Variants in ARPC4 observed in about 807,000 individuals in gnomAD.
The protein encoded by ARPC4 is actin related protein 2/3 complex subunit 4.
A neutral mutation model predicts 22.8 loss-of-function variants in ARPC4; 3 were observed. The ratio of observed to expected loss-of-function variants is 0.13; its 90% CI spans 0.06 to 0.34. ARPC4 has a LOEUF of 0.34. ARPC4 is among the 10% of genes least tolerant of loss of function. ARPC4 has a pLI of 1.00. For synonymous variants in ARPC4, 80 were observed against 72.5 expected, an observed-to-expected ratio of 1.10 and a Z score of -0.52; for missense variants, 98 against 211.0, an observed-to-expected ratio of 0.46 and a Z score of 3.32.
In ARPC4 at chr3:9,806,246, C is replaced by T. The variant is rs774360255; in HGVS notation, c.*31C>T. On this transcript the variant is annotated 3_prime_UTR_variant, in exon 6 of 6. Transcript: ENST00000397261. ...CTGGCTGGATCTCGTGGCCTTCCCC[C>T]TCAGACTACCCATGTCTCCACGAAG... 3.1e-6 allele frequency: 5 copies of T among 1,611,628 alleles called. No homozygotes were observed. The highest frequency in any genetic ancestry group is 1.1e-5 in the South Asian group (1 of 91,020).
intron 2 of ARPC4, 26 bp downstream of exon 2, chr3:9,797,803 G>T: frequency 1.2e-6 from 2 of 1,608,684 alleles, no homozygotes; most frequent in Admixed American, 3.3e-5. Flanking sequence ...TCAAGGTGGG[G>T]ATGAGGGGTG....
At chr3:9,803,600 A>C (rs942633439) in intron 4 of ARPC4, 11 of 654,934 alleles carry the variant, frequency 1.7e-5, no homozygotes, top group East Asian at 1.2e-4. Flanking sequence ...TGTGCCACAG[A>C]TAGTTTTCCA....
At chr3:9,793,069 C>A, upstream of ARPC4, 20 of 1,545,142 alleles carry the variant, frequency 1.3e-5, no homozygotes, top group Middle Eastern at 1.7e-4. Flanking sequence ...GGGCAGGCAT[C>A]GCGGGGCTGG....
At chr3:9,804,181 C>T (rs2125650473) in intron 5 of ARPC4, 168 bp downstream of exon 5, 1 of 647,852 alleles carries the variant, frequency 1.5e-6, no homozygotes, top group South Asian at 2.6e-5. Context: ...AGCTAGAGGA[C>T]CCCAAGTTCA....
At chr3:9,796,768 T>C (rs62245642) in intron 1 of ARPC4, among the ~76,000 whole-genome samples, 4,530 of 151,788 alleles carry the variant, frequency 0.03, 67 homozygotes, top group Non-Finnish European at 0.042. Context: ...CGTGAAACCC[T>C]GTCTCTACTA....
intron 1 of ARPC4, among the ~76,000 whole-genome samples, chr3:9,794,752 A>G (rs2078844971): frequency 6.6e-6 from 1 of 152,056 alleles, no homozygotes; most frequent in Admixed American, 6.6e-5. Context: ...CACCCCAAAA[A>G]GTTCCCTCAA....
chr3:9,793,306 G>T, intron 1 of ARPC4, 182 bp downstream of exon 1: 1 of 1,218,416 alleles, frequency 8.2e-7, no homozygotes. Context: ...GGGGCGAGTG[G>T]GGGTACTCCC....
At chr3:9,806,102 C>T in intron 5 of ARPC4, 108 bp from the exon 6 acceptor site, 1 of 1,326,202 alleles carries the variant, frequency 7.5e-7, no homozygotes, top group Non-Finnish European at 1.1e-6. Flanking sequence ...CTCTGCCCCT[C>T]ACAGATATGA....
At chr3:9,793,218 G>GGCCGA in intron 1 of ARPC4, 94 bp downstream of exon 1, 1 of 1,483,528 alleles carries the variant, frequency 6.7e-7, no homozygotes, top group South Asian at 1.3e-5. Context: ...AGGGGCGCGG[G>GGCCGA]GCCGAGGGAT....
intron 1 of ARPC4, among the ~76,000 whole-genome samples, chr3:9,793,598 C>G (rs942384607): frequency 6.6e-6 from 1 of 152,202 alleles, no homozygotes; most frequent in Admixed American, 6.5e-5. Flanking sequence ...TACCTCCAGC[C>G]CTGCTTCCAC....
At chr3:9,801,141 G>A (rs1220509343) in intron 3 of ARPC4, among the ~76,000 whole-genome samples, 1 of 138,582 alleles carries the variant, frequency 7.2e-6, no homozygotes, top group African/African-American at 2.6e-5. Context: ...AACCCGGGAG[G>A]CAGAGCTTAC....
chr3:9,793,280 G>A, intron 1 of ARPC4, 156 bp downstream of exon 1: 3 of 1,371,708 alleles, frequency 2.2e-6, no homozygotes, highest in Non-Finnish European at 2.9e-6. Flanking sequence ...ACGGGGCGGG[G>A]GCCCGAGGTG....
chr3:9,803,652 GCTTGGATCCAACCT>G (rs2079057532), intron 4 of ARPC4, 177 bp from the exon 5 acceptor site: 1 of 757,312 alleles, frequency 1.3e-6, no homozygotes, highest in Admixed American at 1.7e-5. Context: ...GGGTTCAGTT[GCTTGGATCCAACCT>G]AGACACCCTC....
intron 1 of ARPC4, 46 bp from the exon 2 acceptor site, chr3:9,797,613 C>A: frequency 6.3e-7 from 1 of 1,589,336 alleles, no homozygotes; most frequent in Non-Finnish European, 8.6e-7. Context: ...GTGGGTTTGG[C>A]GTGACAGATT....
intron 5 of ARPC4, among the ~76,000 whole-genome samples, chr3:9,805,121 A>C (rs1285008579): frequency 1.3e-5 from 2 of 152,228 alleles, no homozygotes; most frequent in African/African-American, 2.4e-5. Flanking sequence ...TCTAGATTGA[A>C]CTGGAAGGGG....
At chr3:9,797,613 C>G in intron 1 of ARPC4, 46 bp from the exon 2 acceptor site, 1 of 1,589,340 alleles carries the variant, frequency 6.3e-7, no homozygotes, top group South Asian at 1.1e-5. Flanking sequence ...GTGGGTTTGG[C>G]GTGACAGATT....
At chr3:9,793,316 C>A in intron 1 of ARPC4, 192 bp downstream of exon 1, 1 of 1,165,814 alleles carries the variant, frequency 8.6e-7, no homozygotes, top group Non-Finnish European at 1.2e-6. Context: ...GGGGTACTCC[C>A]TGGTATGAAG....
At chr3:9,797,589 G>A (rs1345057627) in intron 1 of ARPC4, 70 bp from the exon 2 acceptor site, 7 of 1,547,044 alleles carry the variant, frequency 4.5e-6, no homozygotes, top group Non-Finnish European at 6.2e-6. Flanking sequence ...CATGGGAGCT[G>A]GAATAGGGGA....
chr3:9,800,103 A>G, intron 2 of ARPC4, 82 bp from the exon 3 acceptor site: 1 of 1,390,034 alleles, frequency 7.2e-7, no homozygotes, highest in Non-Finnish European at 1.0e-6. Flanking sequence ...ATGGTCTCAT[A>G]GTGATTCCAG....
Sources: allele counts gnomAD v4.1 joint callset (sites outside exome capture counted in the v4.1 genomes callset), GRCh38; gene constraint gnomAD v4.1.1; transcripts MANE v1.5; gene names NCBI Gene and HGNC (gene_info 2026-07-23, HGNC 2026-07-21).